GRIP1: variants seen among roughly 807,000 people sequenced by gnomAD.
GRIP1 encodes glutamate receptor interacting protein 1.
Under a neutral mutation model 129.9 loss-of-function variants are expected in GRIP1, and 45 were observed. The observed-to-expected ratio is 0.35, with a 90% CI of 0.27 to 0.44. The LOEUF is 0.44. Among genes scored for constraint, GRIP1 ranks in the 20% least tolerant of loss-of-function variants. GRIP1 has a pLI of 1.00. For synonymous variants in GRIP1, 530 were observed against 520.8 expected, an observed-to-expected ratio of 1.02 and a Z score of -0.24; for missense variants, 1,196 against 1,396.8, an observed-to-expected ratio of 0.86 and a Z score of 2.29.
chr12:66,809,704 G>T (rs1180613680), intron 1 of GRIP1, among the ~76,000 whole-genome samples: 2 of 148,606 alleles, frequency 1.3e-5, no homozygotes, highest in Non-Finnish European at 3.0e-5. Flanking sequence ...GTGTTGCCCA[G>T]GCTGGAGTCC....
At chr12:66,545,964 G>C (rs1385590030) in intron 2 of GRIP1, among the ~76,000 whole-genome samples, 1 of 151,178 alleles carries the variant, frequency 6.6e-6, no homozygotes. Context: ...TAATTGGAGA[G>C]ACAAACATGT....
chr12:66,690,791 G>A (rs1479682858), intron 1 of GRIP1, among the ~76,000 whole-genome samples: 1 of 150,544 alleles, frequency 6.6e-6, no homozygotes, highest in Non-Finnish European at 1.5e-5. Context: ...AAATTAACCA[G>A]GCATTGTGGT....
intron 1 of GRIP1, among the ~76,000 whole-genome samples, chr12:66,885,921 T>A (rs2040558665): frequency 6.6e-6 from 1 of 152,186 alleles, no homozygotes; most frequent in Non-Finnish European, 1.5e-5. Flanking sequence ...AGCTATCATA[T>A]GTGACTCTAA....
intron 4 of GRIP1, among the ~76,000 whole-genome samples, chr12:66,531,008 G>A (rs534214774): frequency 3.0e-4 from 46 of 151,760 alleles, no homozygotes; most frequent in African/African-American, 9.2e-4. Flanking sequence ...ATGCCAAGGC[G>A]GGTGGATCAC....
intron 5 of GRIP1, among the ~76,000 whole-genome samples, chr12:66,518,806 G>A (rs567870679): frequency 7.3e-4 from 111 of 152,174 alleles, no homozygotes; most frequent in African/African-American, 2.2e-3. Flanking sequence ...TCATCCACTC[G>A]TCTTTGTTCT....
chr12:66,406,394 C>G lies in GRIP1; in HGVS notation c.1873G>C (p.Ala625Pro). The G allele has an allele frequency of 6.2e-7, 1 of 1,613,994 alleles. No homozygotes were observed. Among genetic ancestry groups the G allele is most frequent in the East Asian group, 2.2e-5 (1 of 44,872 alleles). Reference sequence around the variant, plus strand: ...TTGTCCAGCCGGATATTATCTATTGCGAGCAATTTATCCCCAAGTTCCAGG... The same window carrying G: ...TTGTCCAGCCGGATATTATCTATTGGGAGCAATTTATCCCCAAGTTCCAGG... ...GTLELGDKLL[A>P]IDNIRLDNCS... Residue 625 changes from alanine to proline, a missense_variant, in exon 16 of 25, where the codon GCA becomes CCA. Physicochemically the swap from Ala to Pro is conservative, Grantham distance 27. Coordinates refer to ENST00000359742, the MANE Select transcript of GRIP1 (RefSeq NM_001366722.1).
At chr12:66,600,123 C>T (rs2064214990) in intron 1 of GRIP1, among the ~76,000 whole-genome samples, 1 of 152,214 alleles carries the variant, frequency 6.6e-6, no homozygotes, top group African/African-American at 2.4e-5. Context: ...CCCTCCTCCA[C>T]ATATTTGTTG....
intron 1 of GRIP1, among the ~76,000 whole-genome samples, chr12:66,706,453 T>G (rs2035530913): frequency 6.6e-6 from 1 of 152,140 alleles, no homozygotes; most frequent in Admixed American, 6.6e-5. Flanking sequence ...TGGAAGACAG[T>G]ATGGCGATTC....
At chr12:66,852,362 A>G (rs2039927598) in intron 1 of GRIP1, among the ~76,000 whole-genome samples, 1 of 151,916 alleles carries the variant, frequency 6.6e-6, no homozygotes, top group African/African-American at 2.4e-5. Flanking sequence ...ACTGAGGTCA[A>G]ACTTTTTAAA....
intron 11 of GRIP1, among the ~76,000 whole-genome samples, chr12:66,454,379 C>T (rs1009058175): frequency 1.3e-4 from 20 of 152,278 alleles, no homozygotes; most frequent in East Asian, 9.6e-4. Context: ...GAAGAGATCC[C>T]ATCTTCTTTA....
chr12:67,041,261 T>C (rs962018329), intron 1 of GRIP1, among the ~76,000 whole-genome samples: 10 of 152,110 alleles, frequency 6.6e-5, no homozygotes, highest in Non-Finnish European at 1.0e-4. Context: ...CATATATACA[T>C]GTGTATATAT....
At chr12:66,364,638 A>G (rs543370629) in intron 23 of GRIP1, among the ~76,000 whole-genome samples, 11 of 152,260 alleles carry the variant, frequency 7.2e-5, no homozygotes, top group Admixed American at 1.3e-4. Context: ...ACTCCTCCCT[A>G]CCTATACTCT....
chr12:66,802,021 T>C (rs1355759499), intron 1 of GRIP1, among the ~76,000 whole-genome samples: 1 of 152,186 alleles, frequency 6.6e-6, no homozygotes, highest in African/African-American at 2.4e-5. Context: ...GTCTCACTCT[T>C]TAATGCTTTT....
chr12:67,064,001 T>C (rs2043579608), intron 1 of GRIP1, among the ~76,000 whole-genome samples: 1 of 152,206 alleles, frequency 6.6e-6, no homozygotes, highest in Non-Finnish European at 1.5e-5. Context: ...CTTGCCTTCA[T>C]GGCAAATACG....
In GRIP1 at chr12:66,977,549, T is replaced by C. The variant is rs140445556; in HGVS notation, c.58+91501A>G. Among the ~76,000 whole-genome samples the C allele has an allele frequency of 9.2e-5, 14 of 152,218 alleles. No homozygotes were observed. The East Asian group carries it at 2.5e-3, about 27-fold the overall frequency. On this transcript the variant is annotated intron_variant, in intron 1 of 1. Transcript: ENST00000643019. ...CACTACCAGAAGCTGGCAGACCCCA[T>C]GGTGCCCCTTCTCAGTGTTTACCTC...
At chr12:66,996,095 A>G (rs2042462919) in intron 1 of GRIP1, among the ~76,000 whole-genome samples, 2 of 152,170 alleles carry the variant, frequency 1.3e-5, no homozygotes, top group African/African-American at 4.8e-5. Flanking sequence ...AGGCATATCT[A>G]CCGAGACAGA....
intron 1 of GRIP1, among the ~76,000 whole-genome samples, chr12:66,762,863 C>A (rs985656871): frequency 1.3e-5 from 2 of 152,180 alleles, no homozygotes; most frequent in Non-Finnish European, 2.9e-5. Context: ...ATTAAAACAT[C>A]TAACAAATTA....
chr12:66,630,494 A>T (rs2030647036), intron 1 of GRIP1, among the ~76,000 whole-genome samples: 1 of 148,656 alleles, frequency 6.7e-6, no homozygotes, highest in African/African-American at 2.5e-5. Flanking sequence ...TTGTATAAAA[A>T]TTTTTTTGAG....
At chr12:66,388,340 G>A (rs1029979048) in intron 19 of GRIP1, among the ~76,000 whole-genome samples, 2 of 152,102 alleles carry the variant, frequency 1.3e-5, no homozygotes, top group South Asian at 4.1e-4. Flanking sequence ...GAAAACAAAT[G>A]ATCAAAATGA....
Sources: allele counts gnomAD v4.1 joint callset (sites outside exome capture counted in the v4.1 genomes callset), GRCh38; gene constraint gnomAD v4.1.1; transcripts MANE v1.5; gene names NCBI Gene and HGNC (gene_info 2026-07-23, HGNC 2026-07-21).